GNS: variants seen among roughly 807,000 people sequenced by gnomAD.
GNS encodes the protein glucosamine (N-acetyl)-6-sulfatase, also known as N-acetylglucosamine-6-sulfatase.
A neutral mutation model predicts 69.7 loss-of-function variants in GNS; 40 were observed. The observed-to-expected ratio is 0.57, with a 90% CI of 0.45 to 0.75. The LOEUF is 0.75. Ranked by LOEUF, GNS falls within the 30% of genes least tolerant of loss-of-function variation. The probability of loss-of-function intolerance (pLI) is 0.00; values close to 1 mark genes in which losing one functional copy is unlikely to be tolerated. For synonymous variants in GNS, 243 were observed against 251.6 expected (o/e 0.97, Z 0.32); for missense variants, 565 against 685.5 (o/e 0.82, Z 1.96).
At position 64,721,590 on chromosome 12, in the gene GNS, C is replaced by G; in HGVS notation, c.1419+5G>C. 1 of 1,377,348 alleles carries G rather than the reference C, an allele frequency of 7.3e-7. No homozygotes were observed. The highest frequency in any genetic ancestry group is 1.0e-6 in the Non-Finnish European group (1 of 963,724). 85.3% of individuals were successfully genotyped at this position (1,377,348 alleles called of 1,614,324 possible). A position where few individuals can be genotyped will look rare whatever the true frequency, so the allele number is the denominator to read the frequency against. On this transcript the variant is annotated splice_donor_5th_base_variant and intron_variant, in intron 12 of 13. Coordinates refer to ENST00000258145, the MANE Select transcript of GNS (RefSeq NM_002076.4). Reference sequence around the variant, plus strand: ...GGGGGAAGTGCAGGCAGAAGTCCCTCTTACCTCCTGGTCATCAAACTCGCA... The same window carrying G: ...GGGGGAAGTGCAGGCAGAAGTCCCTGTTACCTCCTGGTCATCAAACTCGCA...
chr12:64,756,764 TAGAAG>T, intron 1 of GNS: 1 of 1,478,648 alleles, frequency 6.8e-7, no homozygotes, highest in Non-Finnish European at 9.1e-7. Context: ...TGAAAAAGCC[TAGAAG>T]AGAAGCCAGA....
chr12:64,740,582 T>C (rs556979543), intron 7 of GNS, 24 bp downstream of exon 7: 2 of 1,224,316 alleles, frequency 1.6e-6, no homozygotes, highest in South Asian at 2.4e-5. Flanking sequence ...ACCACTCAGA[T>C]TGTTATGTAG....
At chr12:64,723,230 T>G in intron 10 of GNS, 117 bp from the exon 11 acceptor site, 1 of 719,862 alleles carries the variant, frequency 1.4e-6, no homozygotes, top group Non-Finnish European at 2.6e-6. Flanking sequence ...GTTCATTCAG[T>G]AACTAAAGGG....
chr12:64,738,065 A>C (rs1488700952), intron 8 of GNS, among the ~76,000 whole-genome samples: 3 of 150,722 alleles, frequency 2.0e-5, no homozygotes, highest in East Asian at 2.0e-4. Context: ...ACTGGAGTGC[A>C]GTGGCACGAT....
In GNS at chr12:64,740,504, G is replaced by A; in HGVS notation, c.875+102C>T. On this transcript the variant is annotated intron_variant, in intron 7 of 13. Transcript: ENST00000258145. The stretch of plus-strand genomic sequence containing the variant: ...CTCTCCCACTGACTTGCTTCCCTCT[G>A]TTTTTGTTTCAGAGACAACAATGTG... The A allele has an allele frequency of 1.0e-5, 8 of 773,458 alleles. No individual in the cohort carries two copies. The South Asian group carries it at 1.1e-4, about 11-fold the overall frequency. 47.9% of individuals were successfully genotyped at this position (773,458 alleles called of 1,614,324 possible).
chr12:64,737,930 C>T (rs116796850), intron 8 of GNS, among the ~76,000 whole-genome samples: 477 of 152,182 alleles, frequency 3.1e-3, no homozygotes, highest in African/African-American at 0.011. Context: ...GGACAAAGAC[C>T]CACTTCTCCC....
At chr12:64,730,961 A>G (rs1298064075) in intron 9 of GNS, among the ~76,000 whole-genome samples, 1 of 152,246 alleles carries the variant, frequency 6.6e-6, no homozygotes, top group African/African-American at 2.4e-5. Flanking sequence ...AAGAGGAAAC[A>G]TAAAAAAACC....
At position 64,759,133 on chromosome 12, in the gene GNS, G is replaced by T; in HGVS notation, c.144C>A (p.Asn48Lys). The change falls in exon 1 of 14, where the codon AAC becomes AAA. Residue 48 changes from asparagine to lysine, a missense_variant. By Grantham distance (94) the Asn-to-Lys change is moderately conservative. This residue lies in a region of GNS where 181 missense variants were observed against 174.4 expected (regional missense o/e 1.04). Coordinates refer to ENST00000258145, the MANE Select transcript of GNS (RefSeq NM_002076.4). ...GGTCGTCCGTGAGGAGCAGCACCAC[G>T]TTGGGCCTCCGGGTTCCCGCAGCCA... ...FGVAAGTRRP[N>K]VVLLLTDDQD... The T allele has an allele frequency of 6.4e-7, 1 of 1,561,926 alleles. No individual in the cohort carries two copies. Among genetic ancestry groups the T allele is most frequent in the Non-Finnish European group, 8.7e-7 (1 of 1,153,304 alleles).
intron 5 of GNS, 67 bp downstream of exon 5, chr12:64,744,742 G>T (rs1869846947): frequency 1.2e-6 from 1 of 805,860 alleles, no homozygotes; most frequent in Non-Finnish European, 2.3e-6. Context: ...AGGTTTTCTA[G>T]GCAGAGTCTT....
At chr12:64,726,029 A>G (rs1422430444) in intron 10 of GNS, among the ~76,000 whole-genome samples, 2 of 150,764 alleles carry the variant, frequency 1.3e-5, no homozygotes, top group Admixed American at 6.6e-5. Flanking sequence ...AAAGAAATAA[A>G]CATAATAAGG....
At chr12:64,743,062 G>T in intron 6 of GNS, 79 bp downstream of exon 6, 3 of 1,093,220 alleles carry the variant, frequency 2.7e-6, no homozygotes, top group Non-Finnish European at 4.2e-6. Flanking sequence ...CCACTACATG[G>T]CTCAAAGGCT....
chr12:64,751,015 C>T (rs763332917), intron 2 of GNS, among the ~76,000 whole-genome samples: 19 of 152,116 alleles, frequency 1.2e-4, no homozygotes, highest in Non-Finnish European at 1.3e-4. Flanking sequence ...AGGTCATAGC[C>T]ATTTCTGGCC....
intron 1 of GNS, among the ~76,000 whole-genome samples, chr12:64,758,121 C>CA (rs1331258427): frequency 2.0e-5 from 3 of 151,930 alleles, no homozygotes; most frequent in Non-Finnish European, 4.4e-5. Flanking sequence ...AATACACAAG[C>CA]AAAATTTACT....
intron 2 of GNS, among the ~76,000 whole-genome samples, chr12:64,750,117 G>A (rs953905116): frequency 4.6e-5 from 7 of 152,064 alleles, no homozygotes; most frequent in African/African-American, 1.7e-4. Context: ...CACAGTCTTG[G>A]CTCACTGCAA....
intron 9 of GNS, among the ~76,000 whole-genome samples, chr12:64,735,109 C>A (rs1210634316): frequency 1.3e-5 from 2 of 151,782 alleles, no homozygotes; most frequent in Admixed American, 1.3e-4. Flanking sequence ...GACTCCATCT[C>A]AAAAAAAATG....
rs192263369 is a variant in GNS, at chr12:64,720,193, T to C, written c.1420-11A>G. On this transcript the variant is annotated splice_polypyrimidine_tract_variant and intron_variant, in intron 12 of 13. Transcript: ENST00000258145. ...GACTTCTACAAACACCTAGAGGACA[T>C]GAAAGAATGGAGGAAAGAAAAGAGC... The C allele has an allele frequency of 2.2e-4, 344 of 1,568,314 alleles. No individual in the cohort carries two copies. Among genetic ancestry groups the C allele is most frequent in the Non-Finnish European group, 2.9e-4 (333 of 1,139,420 alleles).
At chr12:64,732,769 G>T (rs1869444796) in intron 9 of GNS, among the ~76,000 whole-genome samples, 1 of 151,886 alleles carries the variant, frequency 6.6e-6, no homozygotes, top group Non-Finnish European at 1.5e-5. Flanking sequence ...CCTAATTTTT[G>T]TATTTTTAGT....
intron 8 of GNS, among the ~76,000 whole-genome samples, chr12:64,738,577 C>A (rs1393147894): frequency 6.6e-6 from 1 of 152,018 alleles, no homozygotes; most frequent in Non-Finnish European, 1.5e-5. Context: ...CTTAGGGAGG[C>A]TGAGGTAGGC....
chr12:64,748,853 T>C (rs1307672099), intron 2 of GNS, among the ~76,000 whole-genome samples: 1 of 152,202 alleles, frequency 6.6e-6, no homozygotes, highest in East Asian at 1.9e-4. Context: ...GGAATGGGCA[T>C]TTGAGCACAC....
Sources: gnomAD v4.1 joint callset for allele counts (sites outside exome capture counted in the v4.1 genomes callset) on GRCh38, gnomAD v4.1.1 for gene constraint, gnomAD v4.1.1 regional missense constraint, MANE v1.5 for transcripts, NCBI Gene and HGNC (gene_info 2026-07-23, HGNC 2026-07-21) for gene names.